TRIT1: variants seen among roughly 807,000 people sequenced by gnomAD.
The protein encoded by TRIT1 is tRNA isopentenyltransferase 1.
Under a neutral mutation model 51.2 loss-of-function variants are expected in TRIT1, and 43 were observed. That is an observed-to-expected ratio of 0.84 (90% CI 0.66 to 1.08). The LOEUF (loss-of-function observed/expected upper bound fraction) is 1.08, where lower values mean the gene tolerates loss of function less well. Ranked by LOEUF, TRIT1 falls within the 50% of genes least tolerant of loss-of-function variation. The probability of loss-of-function intolerance (pLI) is 0.00; values close to 1 mark genes in which losing one functional copy is unlikely to be tolerated. For missense variants in TRIT1, 528 were observed against 578.4 expected (o/e 0.91, Z 0.89); for synonymous variants, 184 against 203.9 (o/e 0.90, Z 0.83).
At chr1:39,860,137 A>G (rs1013790620) in intron 1 of TRIT1, among the ~76,000 whole-genome samples, 5 of 152,258 alleles carry the variant, frequency 3.3e-5, no homozygotes, top group Admixed American at 1.3e-4. Context: ...AATATCAGGA[A>G]GAAGAAAAGA....
chr1:39,850,306 C>T, intron 4 of TRIT1, 45 bp from the exon 5 acceptor site: 6 of 1,602,660 alleles, frequency 3.7e-6, no homozygotes, highest in Non-Finnish European at 2.6e-6. Context: ...CCATAAAAAC[C>T]AATAGAAAAT....
intron 3 of TRIT1, among the ~76,000 whole-genome samples, chr1:39,853,289 C>T (rs935139464): frequency 1.3e-5 from 2 of 152,216 alleles, no homozygotes; most frequent in Admixed American, 1.3e-4. Context: ...CCCTAATATA[C>T]ATACTGTGCT....
At chr1:39,880,656 G>A (rs755078238) in intron 1 of TRIT1, among the ~76,000 whole-genome samples, 1 of 151,950 alleles carries the variant, frequency 6.6e-6, no homozygotes, top group Admixed American at 6.6e-5. Flanking sequence ...AAAATTAGCC[G>A]AGCATGGTGG....
rs1642747519 is a variant in TRIT1, at chr1:39,853,997, C to T, written c.387G>A (p.Leu129=). ...TGGTATTGACAAGAACTTTCCAGAG[C>T]AGAGATTCAATGTAATAATTGGTTC... ...VGGTNYYIES[L]LWKVLVNTKP... Residue 129 remains leucine (L), a synonymous_variant, in exon 3 of 11, where the codon CTG becomes CTA. Transcript: ENST00000316891. 6.2e-7 allele frequency: 1 copy of T among 1,613,344 alleles called. No homozygotes were observed. Among genetic ancestry groups the T allele is most frequent in the Non-Finnish European group, 8.5e-7 (1 of 1,179,738 alleles).
chr1:39,874,884 TCTCGAG>T (rs966917886), intron 1 of TRIT1, among the ~76,000 whole-genome samples: 5 of 151,876 alleles, frequency 3.3e-5, no homozygotes, highest in African/African-American at 1.2e-4. Flanking sequence ...GTCAGGCTGG[TCTCGAG>T]CTCCTGACCT....
chr1:39,876,140 G>A (rs901424994), intron 1 of TRIT1: 1 of 152,130 alleles, frequency 6.6e-6, no homozygotes, highest in African/African-American at 2.4e-5. Flanking sequence ...AAACTACACA[G>A]AAAAACAAAA....
chr1:39,857,050 A>T (rs1036092396), intron 2 of TRIT1, among the ~76,000 whole-genome samples: 3 of 152,242 alleles, frequency 2.0e-5, no homozygotes, highest in Non-Finnish European at 4.4e-5. Context: ...AAGAATCAGC[A>T]TTTCTAACAA....
At chr1:39,861,336 C>T (rs1336400007) in intron 1 of TRIT1, among the ~76,000 whole-genome samples, 1 of 152,004 alleles carries the variant, frequency 6.6e-6, no homozygotes, top group Non-Finnish European at 1.5e-5. Context: ...GGCAACATAA[C>T]GAGACCCGAT....
At chr1:39,879,596 A>T (rs1223462852) in intron 1 of TRIT1, among the ~76,000 whole-genome samples, 2 of 151,796 alleles carry the variant, frequency 1.3e-5, no homozygotes, top group Non-Finnish European at 2.9e-5. Context: ...CAGCAGTGCC[A>T]GGCGCAGTGT....
rs1652509026 is a variant in TRIT1 at position 39,840,413 on chromosome 1, G to A, written c.*1331C>T. 6.6e-6 allele frequency among the ~76,000 whole-genome samples: 1 copy of A among 152,212 alleles called. No homozygotes were observed. Among genetic ancestry groups the A allele is most frequent in the Non-Finnish European group, 1.5e-5 (1 of 68,042 alleles). ...TTTATCAAGAATTGCTTTTCAAGGTGCAGCAGAAATGCTCCTCCTTCCATG... is the reference window on the plus strand; with the variant it reads ...TTTATCAAGAATTGCTTTTCAAGGTACAGCAGAAATGCTCCTCCTTCCATG... On this transcript the variant is annotated 3_prime_UTR_variant, in exon 11 of 11. Coordinates refer to ENST00000316891, the MANE Select transcript of TRIT1 (RefSeq NM_017646.6).
intron 3 of TRIT1, 83 bp from the exon 4 acceptor site, chr1:39,852,959 G>C: frequency 7.1e-7 from 1 of 1,411,962 alleles, no homozygotes; most frequent in East Asian, 2.3e-5. Context: ...TAACTGTCAG[G>C]AATACAGAAT....
At chr1:39,872,627 T>C (rs964794847) in intron 1 of TRIT1, among the ~76,000 whole-genome samples, 7 of 152,222 alleles carry the variant, frequency 4.6e-5, no homozygotes, top group South Asian at 4.2e-4. Context: ...TATTTTAATA[T>C]ACATACAGAT....
chr1:39,860,699 C>T (rs1399205835), intron 1 of TRIT1, among the ~76,000 whole-genome samples: 2 of 152,114 alleles, frequency 1.3e-5, no homozygotes, highest in African/African-American at 4.8e-5. Context: ...TCATAATTAT[C>T]GACTCTAGGT....
Position 39,844,111 on chromosome 1 carries a change from G to A in TRIT1, c.1224C>T (p.Arg408=), listed in dbSNP as rs142932194. ...CTCCCCATACTCTACCTGCCCATTC[G>A]CGATCCCCAATGATGATTCGATCAC... ...DLCDRIIIGD[R]EWAAHIKSKS... The change falls in exon 10 of 11, where the codon CGC becomes CGT. Residue 408 remains arginine, a synonymous_variant. Transcript: ENST00000316891. 9 of 1,613,222 alleles carry A rather than the reference G, an allele frequency of 5.6e-6. No individual in the cohort carries two copies. The highest frequency in any genetic ancestry group is 4.0e-5 in the African/African-American group (3 of 74,846).
chr1:39,847,081 A>T, intron 8 of TRIT1, 139 bp downstream of exon 8: 7 of 593,816 alleles, frequency 1.2e-5, no homozygotes, highest in Non-Finnish European at 5.7e-6. Context: ...ATAATCATTT[A>T]TGTTATAGAA....
chr1:39,857,390 T>G lies in TRIT1; in HGVS notation c.202A>C (p.Asn68His), dbSNP rs1452006093. Residue 68 changes from asparagine (N) to histidine (H), a missense_variant, in exon 2 of 11, where the codon AAC becomes CAC. Physicochemically the swap from Asn to His is moderately conservative, Grantham distance 68. Around this residue, in one of 3 missense-constraint regions of TRIT1, gnomAD observed 468 missense variants for 522.6 expected, o/e 0.90. Transcript: ENST00000316891. The stretch of plus-strand genomic sequence containing the variant: ...CTCTGCTCTTGGGCAGAAACCTTGT[T>G]GGTGATGATGTCTAGGCCTTCATAG... ...QVYEGLDIIT[N>H]KVSAQEQRIC... The G allele has an allele frequency of 6.2e-7, 1 of 1,614,026 alleles. No individual in the cohort carries two copies. Among genetic ancestry groups the G allele is most frequent in the African/African-American group, 1.3e-5 (1 of 74,922 alleles).
intron 8 of TRIT1, 41 bp downstream of exon 8, chr1:39,847,179 T>G: frequency 6.5e-7 from 1 of 1,543,530 alleles, no homozygotes; most frequent in Non-Finnish European, 9.0e-7. Flanking sequence ...TATATTCTAT[T>G]GAAAACAGAC....
chr1:39,874,543 T>C (rs906304623), intron 1 of TRIT1, among the ~76,000 whole-genome samples: 1 of 152,208 alleles, frequency 6.6e-6, no homozygotes, highest in Admixed American at 6.5e-5. Flanking sequence ...TGCTTAAATA[T>C]ATATACAAAT....
chr1:39,841,998 T>A, intron 10 of TRIT1, 85 bp from the exon 11 acceptor site: 1 of 1,408,128 alleles, frequency 7.1e-7, no homozygotes, highest in East Asian at 2.3e-5. Context: ...TAAAATTAAC[T>A]ATACAATGCT....
Sources: allele counts gnomAD v4.1 joint callset (sites outside exome capture counted in the v4.1 genomes callset), GRCh38; gene constraint gnomAD v4.1.1; regional missense constraint gnomAD v4.1.1; transcripts MANE v1.5; gene names NCBI Gene and HGNC (gene_info 2026-07-23, HGNC 2026-07-21).